The following MTERF3 variants were observed in gnomAD, a reference collection of about 807,000 sequenced individuals.
MTERF3 encodes transcription termination factor 3, mitochondrial.
Under a neutral mutation model 40.5 loss-of-function variants are expected in MTERF3, and 40 were observed. That is an observed-to-expected ratio of 0.99 (90% CI 0.77 to 1.29). The LOEUF (loss-of-function observed/expected upper bound fraction) is 1.29. Among genes scored for constraint, MTERF3 ranks in the 50% most tolerant of loss-of-function variants. The pLI, the probability that MTERF3 is intolerant of heterozygous loss-of-function variation, is 0.00. For synonymous variants in MTERF3, 158 were observed against 166.6 expected (o/e 0.95, Z 0.40); for missense variants, 452 against 478.2 (o/e 0.95, Z 0.51).
intron 4 of MTERF3, 60 bp from the exon 5 acceptor site, chr8:96,246,514 G>A: frequency 7.1e-7 from 1 of 1,411,302 alleles, no homozygotes; most frequent in African/African-American, 1.5e-5. Flanking sequence ...TTTTTGAGAT[G>A]GAGTCTCATG....
At chr8:96,252,151 G>A (rs1810197251) in intron 3 of MTERF3, among the ~76,000 whole-genome samples, 1 of 152,190 alleles carries the variant, frequency 6.6e-6, no homozygotes, top group Admixed American at 6.6e-5. Context: ...GGAACTGTAA[G>A]TCCATTAAAC....
chr8:96,248,818 A>C (rs1374456457), intron 4 of MTERF3, among the ~76,000 whole-genome samples: 1 of 152,254 alleles, frequency 6.6e-6, no homozygotes, highest in African/African-American at 2.4e-5. Context: ...AAATAAGTAC[A>C]TGAAATCAGT....
chr8:96,241,408 C>CAA (rs1167206782), intron 7 of MTERF3, among the ~76,000 whole-genome samples: 3 of 139,884 alleles, frequency 2.1e-5, no homozygotes, highest in African/African-American at 7.9e-5. Context: ...GACTCCATCG[C>CAA]AAAAAAAAAC....
intron 3 of MTERF3, among the ~76,000 whole-genome samples, chr8:96,255,675 A>C (rs1810266760): frequency 6.6e-6 from 1 of 151,930 alleles, no homozygotes; most frequent in Non-Finnish European, 1.5e-5. Context: ...ATGACCCCCA[A>C]AGTTTCTAAC....
At chr8:96,246,546 G>A (rs1810025747) in intron 4 of MTERF3, 92 bp from the exon 5 acceptor site, 2 of 1,199,910 alleles carry the variant, frequency 1.7e-6, no homozygotes, top group East Asian at 2.7e-5. Flanking sequence ...AGTAACAGCT[G>A]TTTTTAAAAA....
At position 96,251,019 on chromosome 8, in the gene MTERF3, A is replaced by C; in HGVS notation, c.564T>G (p.Ile188Met). 7 of 1,604,926 alleles carry C rather than the reference A, an allele frequency of 4.4e-6. No individual in the cohort carries two copies. Among genetic ancestry groups the C allele is most frequent in the Non-Finnish European group, 5.9e-6 (7 of 1,177,794 alleles). ...LLLRLDFEKD[I>M]KQMLLFLKDV... is the part of the protein sequence containing the mutation. ...CTTTAAGAAACAGAAGCATTTGCTT[A>C]ATGTCTTTTTCAAAATCCAGTCTCA... Residue 188 changes from isoleucine to methionine, a missense_variant, in exon 4 of 8, where the codon ATT becomes ATG. Ile to Met is a conservative substitution (Grantham distance 10). Coordinates refer to ENST00000287025, the MANE Select transcript of MTERF3 (RefSeq NM_015942.5).
rs1240632908 is a variant in MTERF3, at chr8:96,239,538, C to T, written c.1207G>A (p.Ala403Thr). 2 of 1,609,620 alleles carry T rather than the reference C, an allele frequency of 1.2e-6. No homozygotes were observed. Residue 403 changes from alanine (A) to threonine (T), a missense_variant, in exon 8 of 8, where the codon GCC (alanine) becomes ACC (threonine). Transcript: ENST00000287025. ...TCAAAGTCCTGTACTGATGCTTTGGCAATCTCTTCACAAAATATTTCATCA... is the reference window on the plus strand; with the variant it reads ...TCAAAGTCCTGTACTGATGCTTTGGTAATCTCTTCACAAAATATTTCATCA... ...IPDEIFCEEI[A>T]KASVQDFEKF...
chr8:96,250,608 GCTGAGGCA>G (rs1810130037), intron 4 of MTERF3, among the ~76,000 whole-genome samples: 1 of 79,412 alleles, frequency 1.3e-5, no homozygotes, highest in Non-Finnish European at 2.7e-5. Flanking sequence ...TACTTGGGAG[GCTGAGGCA>G]GAAGAAGAAG....
In MTERF3 at chr8:96,251,109, T is replaced by C. The variant is rs768046898; in HGVS notation, c.488-14A>G. 4 of 1,554,444 alleles carry C rather than the reference T, an allele frequency of 2.6e-6. No individual in the cohort carries two copies. In the Admixed American group the frequency reaches 6.9e-5, roughly 27 times the overall value. On this transcript the variant is annotated splice_polypyrimidine_tract_variant and intron_variant, in intron 3 of 7. Coordinates refer to ENST00000287025, the MANE Select transcript of MTERF3 (RefSeq NM_015942.5). ...ACAAATCCACGCCTATAATAAATTA[T>C]AAATACTGTTTGAAGATGACTTCTT...
At position 96,246,334 on chromosome 8, in the gene MTERF3, C is replaced by T. The variant is rs1234942684; in HGVS notation, c.798G>A (p.Gln266=). 2 of 1,606,202 alleles carry T rather than the reference C, an allele frequency of 1.2e-6. No homozygotes were observed. The highest frequency in any genetic ancestry group is 2.2e-5 in the South Asian group (2 of 89,364). The change falls in exon 5 of 8, where the codon CAG becomes CAA. Residue 266 remains glutamine, a synonymous_variant. Coordinates refer to ENST00000287025, the MANE Select transcript of MTERF3 (RefSeq NM_015942.5). ...TCTTCACACTAAGTTCAAGTTCTTT[C>T]TGAAAAAATCCCAATCTGTTATCCA... The part of the protein sequence containing the change: ...ERLDNRLGFF[Q]KELELSVKKT...
chr8:96,258,651 A>T lies in MTERF3; in HGVS notation c.40T>A (p.Ser14Thr). Residue 14 changes from serine (S) to threonine (T), a missense_variant, in exon 2 of 8, where the codon TCA becomes ACA. Physicochemically the swap from Ser to Thr is moderately conservative, Grantham distance 58. Transcript: ENST00000287025. Reference sequence around the variant, plus strand: ...TTAATGAGGCTCCTCAACTTAACTGAGTTAAACCATCTGGGTATCTGTTGG... The same window carrying T: ...TTAATGAGGCTCCTCAACTTAACTGTGTTAAACCATCTGGGTATCTGTTGG... The part of the protein sequence containing the change: ...SAQQIPRWFN[S>T]VKLRSLINAA... 1 of 1,612,780 alleles carries T rather than the reference A, an allele frequency of 6.2e-7. No individual in the cohort carries two copies. Among genetic ancestry groups the T allele is most frequent in the Non-Finnish European group, 8.5e-7 (1 of 1,178,858 alleles).
At position 96,250,940 on chromosome 8, in the gene MTERF3, T is replaced by C. The variant is rs749363533; in HGVS notation, c.643A>G (p.Ile215Val). 11 of 1,609,238 alleles carry C rather than the reference T, an allele frequency of 6.8e-6. No homozygotes were observed. The highest frequency in any genetic ancestry group is 2.2e-5 in the East Asian group (1 of 44,734). Residue 215 changes from isoleucine to valine, a missense_variant, in exon 4 of 8, where the codon ATT becomes GTT. By Grantham distance (29) the Ile-to-Val change is conservative. Coordinates refer to ENST00000287025, the MANE Select transcript of MTERF3 (RefSeq NM_015942.5). ...LGAFLTKNHA[I>V]FSEDLENLKT... ...AGATTTTCAAGGTCTTCAGAGAAAA[T>C]TGCATGATTTTTTGTCAGGAATGCT...
Position 96,245,736 on chromosome 8 carries a change from T to C in MTERF3, c.897+124A>G, listed in dbSNP as rs182434761. On this transcript the variant is annotated intron_variant, in intron 6 of 7. Transcript: ENST00000287025. ...TGTTAAAGATAATTTCCTATTTCTC[T>C]TTTTAGAAATAACTTATTTTAAAGT... is the stretch of plus-strand genomic sequence containing the variant. 402 of 794,354 alleles carry C rather than the reference T, an allele frequency of 5.1e-4. 1 individual carries two copies. The highest frequency in any genetic ancestry group is 4.6e-3 in the South Asian group (254 of 55,214). 49.2% of individuals were successfully genotyped at this position (794,354 alleles called of 1,614,324 possible).
intron 3 of MTERF3, among the ~76,000 whole-genome samples, chr8:96,256,017 C>G (rs956116922): frequency 6.6e-6 from 1 of 152,066 alleles, no homozygotes; most frequent in Non-Finnish European, 1.5e-5. Context: ...TGGAGAGACC[C>G]GACCTCCCCC....
intron 4 of MTERF3, among the ~76,000 whole-genome samples, chr8:96,249,264 A>G (rs1221949647): frequency 3.9e-5 from 6 of 152,220 alleles, no homozygotes; most frequent in Admixed American, 2.0e-4. Context: ...ACTCCTATGT[A>G]CAAAGGTGCT....
At chr8:96,243,866 T>C in intron 7 of MTERF3, 53 bp downstream of exon 7, 2 of 1,579,274 alleles carry the variant, frequency 1.3e-6, no homozygotes, top group Non-Finnish European at 1.7e-6. Flanking sequence ...GGAGAGCAGC[T>C]CCAAATGAAG....
At chr8:96,254,956 T>G (rs112598672) in intron 3 of MTERF3, among the ~76,000 whole-genome samples, 5,653 of 152,264 alleles carry the variant, frequency 0.037, 355 homozygotes, top group African/African-American at 0.13. Context: ...TAGAAGTTAC[T>G]TGGACTTCAG....
chr8:96,246,187 C>CA (rs1489165195), intron 5 of MTERF3, 120 bp downstream of exon 5: 12 of 1,020,150 alleles, frequency 1.2e-5, no homozygotes, highest in African/African-American at 4.9e-5. Context: ...CATTTTTGTA[C>CA]AAAAAATACC....
chr8:96,255,294 T>C (rs182834244), intron 3 of MTERF3, among the ~76,000 whole-genome samples: 72 of 152,142 alleles, frequency 4.7e-4, no homozygotes, highest in African/African-American at 1.7e-3. Context: ...GTAGAATCCA[T>C]AGGATAAGCT....
Sources: gnomAD v4.1 joint callset for allele counts (sites outside exome capture counted in the v4.1 genomes callset) on GRCh38, gnomAD v4.1.1 for gene constraint, MANE v1.5 for transcripts, NCBI Gene and HGNC (gene_info 2026-07-23, HGNC 2026-07-21) for gene names.